The following DAB2IP variants were observed in gnomAD, a reference collection of about 807,000 sequenced individuals.
The protein encoded by DAB2IP is DAB2 interacting protein, also known as disabled homolog 2-interacting protein.
A neutral mutation model predicts 107.2 loss-of-function variants in DAB2IP; 28 were observed. The observed-to-expected ratio is 0.26, with a 90% CI of 0.19 to 0.36. The LOEUF is 0.36. Ranked by LOEUF, DAB2IP falls within the 10% of genes least tolerant of loss-of-function variation. The pLI is 1.00. For missense variants in DAB2IP, 1,400 were observed against 1,644.7 expected (o/e 0.85, Z 2.57); for synonymous variants, 755 against 706.4 (o/e 1.07, Z -1.09).
At chr9:121,725,573 C>T (rs1443078044) in intron 3 of DAB2IP, among the ~76,000 whole-genome samples, 1 of 152,204 alleles carries the variant, frequency 6.6e-6, no homozygotes, top group Non-Finnish European at 1.5e-5. Context: ...TCAAGGGCTC[C>T]TGCTGTCTGA....
intron 14 of DAB2IP, among the ~76,000 whole-genome samples, chr9:121,780,343 C>T (rs1835520880): frequency 6.6e-6 from 1 of 152,188 alleles, no homozygotes; most frequent in Non-Finnish European, 1.5e-5. Context: ...GTCCCCCCCG[C>T]CACCACCGCT....
intron 10 of DAB2IP, 106 bp downstream of exon 10, chr9:121,768,739 A>C: frequency 7.1e-7 from 1 of 1,412,070 alleles, no homozygotes; most frequent in South Asian, 1.2e-5. Flanking sequence ...CCCAAGTGGC[A>C]TGATCAGGCC....
chr9:121,773,324 C>A (rs752431480), exon 12 of DAB2IP: 1 of 1,534,304 alleles, frequency 6.5e-7, no homozygotes, highest in Non-Finnish European at 8.8e-7. Flanking sequence ...CTGCCCCCCG[C>A]GGCCGGACGC....
At chr9:121,768,247 T>A (rs56100869) in intron 9 of DAB2IP, among the ~76,000 whole-genome samples, 185 bp from the exon 10 acceptor site, 1 of 152,126 alleles carries the variant, frequency 6.6e-6, no homozygotes, top group African/African-American at 2.4e-5. Flanking sequence ...AAAGGATCGC[T>A]GGACTTACCA....
chr9:121,670,334 C>T lies in DAB2IP; in HGVS notation c.125-8344C>T, dbSNP rs77873137. Among the ~76,000 whole-genome samples the T allele has an allele frequency of 6.0e-3, 907 of 152,300 alleles. 34 individuals carry two copies. In the East Asian group the frequency reaches 0.12, roughly 19 times the overall value. ...ACTGCTGTAACAAGTTAAAACTTAG[C>T]GGCTTAAACAACACAGGTTTTTAAT... is the stretch of plus-strand genomic sequence containing the variant. On this transcript the variant is annotated intron_variant, in intron 1 of 15. Transcript: ENST00000408936.
intron 2 of DAB2IP, among the ~76,000 whole-genome samples, chr9:121,681,606 G>A (rs540068643): frequency 6.6e-6 from 1 of 152,330 alleles, no homozygotes; most frequent in Non-Finnish European, 1.5e-5. Context: ...TTTCACAGGT[G>A]AGGAAACTGA....
At chr9:121,780,114 A>G (rs1835497624) in intron 14 of DAB2IP, among the ~76,000 whole-genome samples, 1 of 152,162 alleles carries the variant, frequency 6.6e-6, no homozygotes, top group South Asian at 2.1e-4. Flanking sequence ...TTGAACTCCT[A>G]GTCTCAAGTG....
intron 14 of DAB2IP, among the ~76,000 whole-genome samples, chr9:121,778,208 TGTATAATATAAAA>T (rs1231756743): frequency 2.6e-5 from 4 of 152,190 alleles, no homozygotes; most frequent in Non-Finnish European, 4.4e-5. Flanking sequence ...TTGGGCTTCT[TGTATAATATAAAA>T]GCACTAATTC....
chr9:121,595,458 C>T (rs1190572889), intron 1 of DAB2IP, among the ~76,000 whole-genome samples: 1 of 146,740 alleles, frequency 6.8e-6, no homozygotes, highest in African/African-American at 2.5e-5. Context: ...CAAAAATTAG[C>T]CCGCCATGGT....
At chr9:121,682,721 G>A (rs1330223648) in intron 2 of DAB2IP, among the ~76,000 whole-genome samples, 1 of 152,226 alleles carries the variant, frequency 6.6e-6, no homozygotes. Flanking sequence ...GTGCTTAAAT[G>A]TTCTGGTGCA....
At position 121,699,409 on chromosome 9, in the gene DAB2IP, A is replaced by T. The variant is rs747400599; in HGVS notation, c.313A>T (p.Ile105Phe). ...GGACCGCAACCACAGCTTCCGCCAC[A>T]TCCTGCCGGGGTTCCGGAGCGCCGC... Residue 105 changes from isoleucine (I) to phenylalanine (F), a missense_variant, in exon 3 of 16, where the codon ATC becomes TTC. Ile to Phe is a conservative substitution (Grantham distance 21). Transcript: ENST00000408936. The surrounding 1 kb of genome is among the most constrained non-coding windows in gnomAD (Gnocchi z 6.2). The T allele has an allele frequency of 6.8e-7, 1 of 1,463,824 alleles. No homozygotes were observed. Among genetic ancestry groups the T allele is most frequent in the Non-Finnish European group, 9.1e-7 (1 of 1,097,440 alleles). 90.7% of individuals were successfully genotyped at this position (1,463,824 alleles called of 1,614,324 possible). A position where few individuals can be genotyped will look rare whatever the true frequency, so the allele number is the denominator to read the frequency against.
chr9:121,784,806 G>A (rs1273645618), exon 16 of DAB2IP: 1 of 153,486 alleles, frequency 6.5e-6, no homozygotes, highest in Non-Finnish European at 1.5e-5. Flanking sequence ...TGGCATTTGT[G>A]TGTTGGCTTT....
At chr9:121,571,688 G>A (rs867908061) in intron 1 of DAB2IP, among the ~76,000 whole-genome samples, 3 of 152,200 alleles carry the variant, frequency 2.0e-5, no homozygotes, top group Non-Finnish European at 1.5e-5. Flanking sequence ...GTTCAGCCAT[G>A]GCATGGTGGG....
intron 1 of DAB2IP, among the ~76,000 whole-genome samples, chr9:121,577,160 A>G (rs1830080432): frequency 6.6e-6 from 1 of 152,186 alleles, no homozygotes; most frequent in Non-Finnish European, 1.5e-5. Context: ...AGACACAGAG[A>G]AGAAGCTGCA....
In DAB2IP at chr9:121,713,364, G is replaced by A. The variant is rs191736238; in HGVS notation, c.362+13906G>A. On this transcript the variant is annotated intron_variant, in intron 3 of 15. Coordinates refer to ENST00000408936, the Ensembl canonical transcript of DAB2IP. ...CCCAGCTTGCTTGGAGTGTCTAGAG[G>A]GTGGAGGCAGGAGTGAGTGAAAGCC... Among the ~76,000 whole-genome samples, 4 of 152,284 alleles carry A rather than the reference G, an allele frequency of 2.6e-5. No homozygotes were observed. In the East Asian group the frequency reaches 7.7e-4, roughly 29 times the overall value.
intron 2 of DAB2IP, among the ~76,000 whole-genome samples, chr9:121,680,967 T>C (rs938543955): frequency 6.6e-6 from 1 of 152,126 alleles, no homozygotes; most frequent in African/African-American, 2.4e-5. Flanking sequence ...AGTCTTGAAC[T>C]CCTGACCTCA....
At chr9:121,610,960 G>A (rs1467962743) in intron 1 of DAB2IP, among the ~76,000 whole-genome samples, 3 of 151,956 alleles carry the variant, frequency 2.0e-5, no homozygotes, top group Non-Finnish European at 2.9e-5. Context: ...TGAGTGGAGT[G>A]ACCATAAGAT....
chr9:121,784,281 CCTGAGACCAGGGTGG>C (rs1835854436), exon 16 of DAB2IP: 2 of 153,580 alleles, frequency 1.3e-5, no homozygotes, highest in Admixed American at 6.5e-5. Context: ...CGCCTTCGTG[CCTGAGACCAGGGTGG>C]CCACACAGGC....
At chr9:121,713,260 A>T (rs768224747) in intron 3 of DAB2IP, among the ~76,000 whole-genome samples, 11 of 152,170 alleles carry the variant, frequency 7.2e-5, no homozygotes, top group Non-Finnish European at 1.6e-4. Context: ...GGCCACCAAG[A>T]AACCATTTGC....
Sources: allele counts gnomAD v4.1 joint callset (sites outside exome capture counted in the v4.1 genomes callset), GRCh38; gene constraint gnomAD v4.1.1; non-coding constraint Gnocchi (gnomAD v3.1); transcripts MANE v1.5; gene names NCBI Gene and HGNC (gene_info 2026-07-23, HGNC 2026-07-21).